ABHD6: variants seen among roughly 807,000 people sequenced by gnomAD.
ABHD6 encodes abhydrolase domain containing 6, acylglycerol lipase.
Under a neutral mutation model 38.8 loss-of-function variants are expected in ABHD6, and 33 were observed. The ratio of observed to expected loss-of-function variants is 0.85; its 90% CI spans 0.64 to 1.14. The LOEUF is 1.14. ABHD6 is among the 50% of genes most tolerant of loss of function. ABHD6 has a pLI of 0.00. For synonymous variants in ABHD6, 147 were observed against 161.6 expected, an observed-to-expected ratio of 0.91 and a Z score of 0.69; for missense variants, 380 against 422.6, an observed-to-expected ratio of 0.90 and a Z score of 0.88.
At chr3:58,242,734 T>C (rs943564019) in intron 1 of ABHD6, among the ~76,000 whole-genome samples, 4 of 152,304 alleles carry the variant, frequency 2.6e-5, no homozygotes, top group African/African-American at 9.6e-5. Flanking sequence ...TTATTATTAT[T>C]ATTATACTTT....
chr3:58,251,994 G>A lies in ABHD6; in HGVS notation c.-26+2052G>A, dbSNP rs1307831286. Among the ~76,000 whole-genome samples the A allele has an allele frequency of 6.6e-6, 1 of 152,060 alleles. No homozygotes were observed. Among genetic ancestry groups the A allele is most frequent in the East Asian group, 1.9e-4 (1 of 5,186 alleles). The stretch of plus-strand genomic sequence containing the variant: ...ATGTTTAAGTCACCAAAGTAAGAAA[G>A]AACAGACATGACTATTTGAATGTTC... On this transcript the variant is annotated intron_variant, in intron 2 of 9. Transcript: ENST00000478253. This position sits in a 1 kb window ranked among gnomAD's most constrained non-coding sequence, Gnocchi z 5.4.
chr3:58,290,259 T>C (rs1575534282), intron 9 of ABHD6, among the ~76,000 whole-genome samples: 1 of 114,642 alleles, frequency 8.7e-6, no homozygotes. Context: ...GAGGCGCCCC[T>C]CACCTCCCAG....
At chr3:58,268,284 G>A (rs2097442510) in intron 4 of ABHD6, among the ~76,000 whole-genome samples, 1 of 152,100 alleles carries the variant, frequency 6.6e-6, no homozygotes, top group African/African-American at 2.4e-5. Context: ...GTACTCCCAA[G>A]TTTCTTCTCT....
At chr3:58,243,599 A>C (rs978859598) in intron 1 of ABHD6, among the ~76,000 whole-genome samples, 1 of 151,982 alleles carries the variant, frequency 6.6e-6, no homozygotes, top group Non-Finnish European at 1.5e-5. Context: ...TGAGAAAGTC[A>C]GATTATTAAG....
At chr3:58,270,065 A>T (rs564908000) in intron 5 of ABHD6, among the ~76,000 whole-genome samples, 1 of 152,268 alleles carries the variant, frequency 6.6e-6, no homozygotes, top group South Asian at 2.1e-4. Flanking sequence ...ATCTAATCAT[A>T]GTTTCCTGTA....
Position 58,289,810 on chromosome 3 carries a change from G to A in ABHD6, c.838-3779G>A, listed in dbSNP as rs367691067. On this transcript the variant is annotated intron_variant, in intron 9 of 9. Transcript: ENST00000478253. ...GGGCTCCTCACTTCCCAGTAGGGGC[G>A]GCCAGGCAGAGGCGCCCCTCACCAC... Among the ~76,000 whole-genome samples the A allele has an allele frequency of 3.3e-4, 50 of 151,792 alleles. No homozygotes were observed. In the South Asian group the frequency reaches 3.7e-3, roughly 11 times the overall value.
rs181950395 is a variant in ABHD6 at position 58,273,663 on chromosome 3, G to A, written c.524-995G>A. ...ACCGCATGTTCTCACTCATAAGTGC[G>A]AGTTGAACAGTGAGAAGACATGGAC... On this transcript the variant is annotated intron_variant, in intron 6 of 9. Coordinates refer to ENST00000478253, the MANE Select transcript of ABHD6 (RefSeq NM_001320126.2). This position sits in a 1 kb window ranked among gnomAD's most constrained non-coding sequence, Gnocchi z 4.8. Among the ~76,000 whole-genome samples the A allele has an allele frequency of 2.6e-5, 4 of 152,150 alleles. No homozygotes were observed. The highest frequency in any genetic ancestry group is 4.4e-5 in the Non-Finnish European group (3 of 68,036).
At chr3:58,279,410 A>G (rs1320314479) in intron 7 of ABHD6, among the ~76,000 whole-genome samples, 2 of 137,918 alleles carry the variant, frequency 1.5e-5, no homozygotes, top group African/African-American at 6.1e-5. Context: ...ATCAGAGACT[A>G]GGATTGCAAC....
rs373284362 is a variant in ABHD6, at chr3:58,285,345, C to G, written c.737-8C>G. ...CACATACTCACTTTGTTTTCCTTTT[C>G]TGACAAGTGTTTTTGGAAATCGTCA... On this transcript the variant is annotated splice_polypyrimidine_tract_variant and splice_region_variant and intron_variant, in intron 8 of 9. Coordinates refer to ENST00000478253, the MANE Select transcript of ABHD6 (RefSeq NM_001320126.2). This position sits in a 1 kb window ranked among gnomAD's most constrained non-coding sequence, Gnocchi z 4.9. 11 of 1,613,650 alleles carry G rather than the reference C, an allele frequency of 6.8e-6. No homozygotes were observed. In the Admixed American group the frequency reaches 1.8e-4, roughly 27 times the overall value.
At chr3:58,279,031 A>T (rs2097450928) in intron 7 of ABHD6, among the ~76,000 whole-genome samples, 2 of 152,184 alleles carry the variant, frequency 1.3e-5, no homozygotes, top group South Asian at 4.1e-4. Context: ...TTATGTGGTC[A>T]ATTTTAGAAT....
At chr3:58,242,107 G>A (rs1279275462) in intron 1 of ABHD6, among the ~76,000 whole-genome samples, 1 of 152,138 alleles carries the variant, frequency 6.6e-6, no homozygotes, top group Non-Finnish European at 1.5e-5. Context: ...TAGGCGTGCC[G>A]GGGAGAGAGG....
rs1025848341 is a variant in ABHD6, at chr3:58,285,799, C to A, written c.837+346C>A. ...GCATCCCAAATTCCATTCTCCATTA[C>A]CATGAGGCAACTCTTATCTTACTAT... On this transcript the variant is annotated intron_variant, in intron 9 of 9. Transcript: ENST00000478253. This position sits in a 1 kb window ranked among gnomAD's most constrained non-coding sequence, Gnocchi z 4.9. 6.6e-6 allele frequency among the ~76,000 whole-genome samples: 1 copy of A among 152,170 alleles called. No individual in the cohort carries two copies. The highest frequency in any genetic ancestry group is 1.5e-5 in the Non-Finnish European group (1 of 68,030).
At chr3:58,270,503 C>CA (rs768619665) in intron 5 of ABHD6, among the ~76,000 whole-genome samples, 16,662 of 60,508 alleles carry the variant, frequency 0.28, 2,179 homozygotes, top group African/African-American at 0.47. Flanking sequence ...CTCATCTCTA[C>CA]AAAAAAAAAA....
At position 58,267,356 on chromosome 3, in the gene ABHD6, C is replaced by G. The variant is rs755855024; in HGVS notation, c.276+11C>G. ...CTCAGTGTGGTCAAGGTGCAATTCT[C>G]GATTCTTCTCTCTTATAAGAAAAGG... On this transcript the variant is annotated intron_variant, in intron 4 of 9. Coordinates refer to ENST00000478253, the MANE Select transcript of ABHD6 (RefSeq NM_001320126.2). The surrounding 1 kb of genome is among the most constrained non-coding windows in gnomAD (Gnocchi z 4.3). 1.1e-5 allele frequency: 17 copies of G among 1,613,734 alleles called. No individual in the cohort carries two copies. The highest frequency in any genetic ancestry group is 1.3e-5 in the Non-Finnish European group (15 of 1,179,908).
rs935205055 is a variant in ABHD6, at chr3:58,293,825, G to A, written c.*60G>A. On this transcript the variant is annotated 3_prime_UTR_variant, in exon 10 of 10. Coordinates refer to ENST00000478253, the MANE Select transcript of ABHD6 (RefSeq NM_001320126.2). The surrounding 1 kb of genome is among the most constrained non-coding windows in gnomAD (Gnocchi z 4.4). ...TCTGCTCCCATCCCCCAAGTCTGAC[G>A]CAGCCACCACTCTCAGGGATCCTGC... The A allele has an allele frequency of 1.0e-5, 16 of 1,566,110 alleles. No individual in the cohort carries two copies. Among genetic ancestry groups the A allele is most frequent in the African/African-American group, 6.8e-5 (5 of 73,966 alleles).
chr3:58,243,403 A>G (rs1179221440), intron 1 of ABHD6, among the ~76,000 whole-genome samples: 2 of 152,162 alleles, frequency 1.3e-5, no homozygotes, highest in African/African-American at 2.4e-5. Flanking sequence ...CATACCAAAT[A>G]CTGTGGGGCA....
intron 1 of ABHD6, among the ~76,000 whole-genome samples, chr3:58,242,241 A>G (rs1351607325): frequency 2.0e-5 from 3 of 152,060 alleles, no homozygotes; most frequent in Non-Finnish European, 4.4e-5. Context: ...CCCTTGAGAG[A>G]TGGGCAGCAC....
chr3:58,271,236 A>G (rs912387717), intron 6 of ABHD6, among the ~76,000 whole-genome samples, 172 bp downstream of exon 6: 4 of 152,148 alleles, frequency 2.6e-5, no homozygotes, highest in African/African-American at 9.7e-5. Context: ...CATAATCATA[A>G]CCAGACTGAT....
In ABHD6 at chr3:58,266,464, CAAA is replaced by C. The variant is rs1179353981; in HGVS notation, c.120-716_120-714del. Among the ~76,000 whole-genome samples, 1 of 142,832 alleles carries C rather than the reference CAAA, an allele frequency of 7.0e-6. No homozygotes were observed. The highest frequency in any genetic ancestry group is 2.6e-5 in the African/African-American group (1 of 39,068). 93.7% of individuals were successfully genotyped at this position (142,832 alleles called of 152,430 possible). On this transcript the variant is annotated intron_variant, in intron 3 of 9. Transcript: ENST00000478253. The surrounding 1 kb of genome is among the most constrained non-coding windows in gnomAD (Gnocchi z 4.0). ...AAAAAAAACCTGACCAAACAAACAA[CAAA>C]AAAAAAAACCTTATGTATGCTCTCA...
Sources: allele counts gnomAD v4.1 joint callset (sites outside exome capture counted in the v4.1 genomes callset), GRCh38; gene constraint gnomAD v4.1.1; non-coding constraint Gnocchi (gnomAD v3.1); transcripts MANE v1.5; gene names NCBI Gene and HGNC (gene_info 2026-07-23, HGNC 2026-07-21).